The following USP3 variants were observed in gnomAD, a reference collection of about 807,000 sequenced individuals.
USP3 encodes the protein ubiquitin specific peptidase 3.
Under a neutral mutation model 72.3 loss-of-function variants are expected in USP3, and 20 were observed. That is an observed-to-expected ratio of 0.28 (90% CI 0.19 to 0.40). USP3 has a LOEUF of 0.40. Among genes scored for constraint, USP3 ranks in the 10% least tolerant of loss-of-function variants. USP3 has a pLI of 1.00. For synonymous variants in USP3, 222 were observed against 225.3 expected, an observed-to-expected ratio of 0.99 and a Z score of 0.13; for missense variants, 479 against 633.9, an observed-to-expected ratio of 0.76 and a Z score of 2.62.
rs1427601052 is a variant in USP3 at position 63,590,203 on chromosome 15, G to C, written c.1398-458G>C. Among the ~76,000 whole-genome samples the C allele has an allele frequency of 2.0e-5, 3 of 152,190 alleles. No individual in the cohort carries two copies. The South Asian group carries it at 6.2e-4, about 32-fold the overall frequency. ...ATAGGGTTTTCCTGGCACCTACAAA[G>C]GTCTGTTCTAGCTGCAGGCCTTCCG... On this transcript the variant is annotated intron_variant, in intron 14 of 14. Transcript: ENST00000380324.
At chr15:63,536,533 T>A (rs2066159499) in intron 2 of USP3, among the ~76,000 whole-genome samples, 1 of 152,038 alleles carries the variant, frequency 6.6e-6, no homozygotes, top group Non-Finnish European at 1.5e-5. Context: ...CCAATTTGCA[T>A]AGATTATGCC....
chr15:63,590,309 G>T (rs59949417), intron 14 of USP3, among the ~76,000 whole-genome samples: 3,249 of 152,230 alleles, frequency 0.021, 116 homozygotes, highest in African/African-American at 0.072. Context: ...TGATGACCAC[G>T]GTGTCAGGGA....
At chr15:63,509,989 C>T (rs72750927) in intron 1 of USP3, among the ~76,000 whole-genome samples, 1 of 152,116 alleles carries the variant, frequency 6.6e-6, no homozygotes, top group African/African-American at 2.4e-5. Flanking sequence ...GGGAAGAATT[C>T]GAACTCTTTG....
rs1391218769 is a variant in USP3, at chr15:63,580,659, T to TG, written c.1096+6256_1096+6257insG. 5.0e-4 allele frequency among the ~76,000 whole-genome samples: 26 copies of TG among 51,584 alleles called. 1 individual carries two copies. The highest frequency in any genetic ancestry group is 1.4e-3 in the African/African-American group (15 of 10,412). The allele number at this position is 51,584 out of a possible 152,430, so 33.8% of individuals were successfully genotyped here. Reference sequence around the variant, plus strand: ...AGTGGTGCATATATATATGAATATATAATATATATATGAATATATAATATA... The same window carrying TG: ...AGTGGTGCATATATATATGAATATATGAATATATATATGAATATATAATATA... On this transcript the variant is annotated intron_variant, in intron 11 of 14. Coordinates refer to ENST00000380324, the MANE Select transcript of USP3 (RefSeq NM_006537.4).
chr15:63,582,889 C>T lies in USP3; in HGVS notation c.1097-5416C>T, dbSNP rs1185031752. 2.6e-5 allele frequency among the ~76,000 whole-genome samples: 4 copies of T among 152,158 alleles called. No individual in the cohort carries two copies. In the East Asian group the frequency reaches 7.7e-4, roughly 29 times the overall value. On this transcript the variant is annotated intron_variant, in intron 11 of 14. Transcript: ENST00000380324. Reference sequence around the variant, plus strand: ...AAGAGAGCAGTCTAGTATTTATGTGCATTTCACATAAATGCAGATGAGTTA... The same window carrying T: ...AAGAGAGCAGTCTAGTATTTATGTGTATTTCACATAAATGCAGATGAGTTA...
chr15:63,533,535 A>G (rs1465917436), intron 2 of USP3, among the ~76,000 whole-genome samples: 1 of 152,184 alleles, frequency 6.6e-6, no homozygotes, highest in East Asian at 1.9e-4. Flanking sequence ...TTTACTTTAG[A>G]AGTTAATAGC....
chr15:63,537,447 C>T (rs752012017), intron 3 of USP3, among the ~76,000 whole-genome samples: 8 of 151,994 alleles, frequency 5.3e-5, no homozygotes, highest in Non-Finnish European at 1.2e-4. Flanking sequence ...ATTTCTTTTT[C>T]TTGTGTTATT....
intron 11 of USP3, among the ~76,000 whole-genome samples, chr15:63,581,344 T>TG (rs1286724707): frequency 7.7e-4 from 101 of 131,146 alleles, no homozygotes; most frequent in African/African-American, 2.6e-3. Context: ...TGTGTTGGTT[T>TG]TTGTGTGTGT....
At position 63,588,087 on chromosome 15, in the gene USP3, GCA is replaced by G; in HGVS notation, c.1097-217_1097-216del. On this transcript the variant is annotated intron_variant, in intron 11 of 14. Transcript: ENST00000380324. This position sits in a 1 kb window ranked among gnomAD's most constrained non-coding sequence, Gnocchi z 4.6. ...ACAATTGATCATCACCAGATGTCAGGCATGATGCCAGGTGCTCTACACATTAT... is the reference window on the plus strand; with the variant it reads ...ACAATTGATCATCACCAGATGTCAGGTGATGCCAGGTGCTCTACACATTAT... 1 of 394,726 alleles carries G rather than the reference GCA, an allele frequency of 2.5e-6. No individual in the cohort carries two copies. The highest frequency in any genetic ancestry group is 4.5e-6 in the Non-Finnish European group (1 of 221,644). The allele number at this position is 394,726 out of a possible 1,614,324, so 24.5% of individuals were successfully genotyped here.
intron 11 of USP3, chr15:63,587,673 AAGC>A (rs2067100650): frequency 6.6e-6 from 1 of 152,254 alleles, no homozygotes; most frequent in Admixed American, 6.5e-5. Flanking sequence ...TGTAGTGTAA[AAGC>A]AGCCAGACAA....
intron 3 of USP3, among the ~76,000 whole-genome samples, chr15:63,548,718 G>A (rs1347309694): frequency 6.6e-6 from 1 of 151,688 alleles, no homozygotes; most frequent in African/African-American, 2.4e-5. Context: ...TTCTTTTTTT[G>A]AGACAAGAGT....
At chr15:63,521,772 C>T (rs1201234675) in intron 1 of USP3, among the ~76,000 whole-genome samples, 1 of 152,094 alleles carries the variant, frequency 6.6e-6, no homozygotes, top group African/African-American at 2.4e-5. Flanking sequence ...GTTGAGTGGC[C>T]ACTCCCTGGA....
At position 63,591,444 on chromosome 15, in the gene USP3, G is replaced by T. The variant is rs1303098419; in HGVS notation, c.*618G>T. The T allele has an allele frequency of 6.6e-6, 1 of 152,196 alleles. No individual in the cohort carries two copies. The highest frequency in any genetic ancestry group is 6.5e-5 in the Admixed American group (1 of 15,288). 9.4% of individuals were successfully genotyped at this position (152,196 alleles called of 1,614,324 possible). ...ACTAAATAAATTTGTTGGTTCAGTT[G>T]TACTTGTCCTGCAAATACAAGAATT... On this transcript the variant is annotated 3_prime_UTR_variant, in exon 15 of 15. Transcript: ENST00000380324.
At chr15:63,538,549 CTTTT>C (rs746038629) in intron 3 of USP3, among the ~76,000 whole-genome samples, 1 of 137,182 alleles carries the variant, frequency 7.3e-6, no homozygotes. Context: ...AGGTCTTTTA[CTTTT>C]TTTTTTTTTT....
At chr15:63,518,107 T>C (rs1003184188) in intron 1 of USP3, among the ~76,000 whole-genome samples, 7 of 152,246 alleles carry the variant, frequency 4.6e-5, no homozygotes, top group Non-Finnish European at 1.0e-4. Flanking sequence ...TGTTTTGCCC[T>C]ATCAGAAATG....
rs1315286584 is a variant in USP3, at chr15:63,544,177, T to A, written c.284+7021T>A. Reference sequence around the variant, plus strand: ...TCTTTTTTGTAATATATAATTTAGATTTAATTGTATATATAATTTATTAAT... The same window carrying A: ...TCTTTTTTGTAATATATAATTTAGAATTAATTGTATATATAATTTATTAAT... On this transcript the variant is annotated intron_variant, in intron 3 of 14. Coordinates refer to ENST00000380324, the MANE Select transcript of USP3 (RefSeq NM_006537.4). The surrounding 1 kb of genome is among the most constrained non-coding windows in gnomAD (Gnocchi z 4.2). 6.7e-6 allele frequency: 1 copy of A among 149,070 alleles called. No individual in the cohort carries two copies. Among genetic ancestry groups the A allele is most frequent in the Non-Finnish European group, 1.5e-5 (1 of 67,404 alleles). 9.2% of individuals were successfully genotyped at this position (149,070 alleles called of 1,614,324 possible). A position where few individuals can be genotyped will look rare whatever the true frequency, so the allele number is the denominator to read the frequency against.
chr15:63,523,872 T>A (rs2152654603), intron 1 of USP3, among the ~76,000 whole-genome samples: 1 of 152,312 alleles, frequency 6.6e-6, no homozygotes, highest in Admixed American at 6.5e-5. Flanking sequence ...AGCCTGGGGT[T>A]TCCTAGAATG....
chr15:63,530,185 T>C (rs1479915571), intron 1 of USP3, among the ~76,000 whole-genome samples: 1 of 152,116 alleles, frequency 6.6e-6, no homozygotes, highest in African/African-American at 2.4e-5. Flanking sequence ...TATTGTAACG[T>C]AATTATTTCA....
intron 3 of USP3, chr15:63,542,332 C>A: frequency 2.9e-6 from 1 of 350,464 alleles, no homozygotes; most frequent in Non-Finnish European, 4.0e-6. Flanking sequence ...TGACTGCTAG[C>A]TACTATTGGA....
Sources: gnomAD v4.1 joint callset for allele counts (sites outside exome capture counted in the v4.1 genomes callset) on GRCh38, gnomAD v4.1.1 for gene constraint, Gnocchi (gnomAD v3.1) non-coding constraint, MANE v1.5 for transcripts, NCBI Gene and HGNC (gene_info 2026-07-23, HGNC 2026-07-21) for gene names.